ZNF385B: variants seen among roughly 807,000 people sequenced by gnomAD.
ZNF385B encodes the protein zinc finger protein 533.
ZNF385B carries 23 observed loss-of-function variants against 39.2 expected under a neutral mutation model. The ratio of observed to expected loss-of-function variants is 0.59; its 90% confidence interval spans 0.42 to 0.83. The LOEUF (loss-of-function observed/expected upper bound fraction) is 0.83. ZNF385B is among the 40% of genes least tolerant of loss of function. The pLI is 0.00. For synonymous variants in ZNF385B, 205 were observed against 222.6 expected (o/e 0.92, Z 0.70); for missense variants, 552 against 598.9 (o/e 0.92, Z 0.82).
chr2:179,631,692 A>G (rs6739057), intron 3 of ZNF385B, among the ~76,000 whole-genome samples: 97,487 of 151,892 alleles, frequency 0.64, 31,396 homozygotes, highest in Admixed American at 0.72. Flanking sequence ...AAAAGTAAAT[A>G]GGCTAAATGC....
At chr2:179,858,265 G>A (rs934442137) in intron 1 of ZNF385B, among the ~76,000 whole-genome samples, 2 of 152,174 alleles carry the variant, frequency 1.3e-5, no homozygotes, top group African/African-American at 4.8e-5. Context: ...CAGTGACTAG[G>A]AGAAATATTA....
intron 3 of ZNF385B, among the ~76,000 whole-genome samples, chr2:179,729,998 G>A (rs1029161607): frequency 3.3e-5 from 5 of 152,306 alleles, no homozygotes; most frequent in African/African-American, 7.2e-5. Flanking sequence ...CCAGTCTCAA[G>A]TGTGTCTTTA....
In ZNF385B at chr2:179,695,488, A is replaced by G. The variant is rs556166591; in HGVS notation, c.298+74015T>C. On this transcript the variant is annotated intron_variant, in intron 3 of 9. Transcript: ENST00000410066. The stretch of plus-strand genomic sequence containing the variant: ...TATATAAAGGTATTATATATTTATT[A>G]TAACTCAAGAATAAAAAAACCAAAA... Among the ~76,000 whole-genome samples the G allele has an allele frequency of 7.9e-5, 12 of 152,240 alleles. No individual in the cohort carries two copies. In the South Asian group the frequency reaches 1.7e-3, roughly 21 times the overall value.
intron 3 of ZNF385B, among the ~76,000 whole-genome samples, chr2:179,578,618 G>A (rs1248187861): frequency 6.6e-6 from 1 of 152,030 alleles, no homozygotes; most frequent in Non-Finnish European, 1.5e-5. Context: ...CAAGTCATTT[G>A]CATTATTAAT....
At position 179,555,447 on chromosome 2, in the gene ZNF385B, T is replaced by G. The variant is rs144784584; in HGVS notation, c.299-10478A>C. 1.0e-4 allele frequency among the ~76,000 whole-genome samples: 15 copies of G among 149,498 alleles called. 2 individuals are homozygous for G. The highest frequency in any genetic ancestry group is 3.0e-4 in the African/African-American group (12 of 39,722). ...CACATGTATGCTATATTTGTGTACA[T>G]TCATTCAACTGCACACTTATGTGCA... On this transcript the variant is annotated intron_variant, in intron 3 of 9. Coordinates refer to ENST00000410066, the MANE Select transcript of ZNF385B (RefSeq NM_152520.6).
At chr2:179,631,608 A>G (rs1691223876) in intron 3 of ZNF385B, among the ~76,000 whole-genome samples, 1 of 152,228 alleles carries the variant, frequency 6.6e-6, no homozygotes, top group Non-Finnish European at 1.5e-5. Flanking sequence ...AAGAAACTGC[A>G]TCAACTAAGG....
chr2:179,638,233 A>G (rs1039257245), intron 3 of ZNF385B, among the ~76,000 whole-genome samples: 8 of 152,220 alleles, frequency 5.3e-5, no homozygotes, highest in African/African-American at 1.9e-4. Context: ...TCACAACAAA[A>G]TCAAATGAAA....
intron 1 of ZNF385B, among the ~76,000 whole-genome samples, chr2:179,852,701 C>A (rs1186336749): frequency 6.6e-6 from 1 of 152,146 alleles, no homozygotes; most frequent in East Asian, 1.9e-4. Flanking sequence ...TTTCTCAGAG[C>A]AACTTAAGGT....
chr2:179,845,071 A>C (rs1330413007), intron 1 of ZNF385B, among the ~76,000 whole-genome samples: 1 of 152,202 alleles, frequency 6.6e-6, no homozygotes, highest in Non-Finnish European at 1.5e-5. Context: ...CTCCAATACA[A>C]TTGATTATCT....
At chr2:179,523,507 GA>G (rs1394370052) in intron 4 of ZNF385B, among the ~76,000 whole-genome samples, 2 of 151,934 alleles carry the variant, frequency 1.3e-5, no homozygotes, top group African/African-American at 4.8e-5. Context: ...CTAAAGGTAG[GA>G]TGAATCTAAG....
chr2:179,829,662 C>T (rs1025982817), intron 1 of ZNF385B, among the ~76,000 whole-genome samples: 10 of 152,052 alleles, frequency 6.6e-5, no homozygotes, highest in East Asian at 1.9e-4. Flanking sequence ...TACAGGCGCC[C>T]GCCACCATGC....
intron 4 of ZNF385B, among the ~76,000 whole-genome samples, chr2:179,531,677 T>TAG: frequency 6.6e-6 from 1 of 152,082 alleles, no homozygotes; most frequent in South Asian, 2.1e-4. Flanking sequence ...AAATATCCTT[T>TAG]TTAACTGGGT....
intron 3 of ZNF385B, among the ~76,000 whole-genome samples, chr2:179,634,993 A>AAAAAT (rs1166340577): frequency 7.1e-6 from 1 of 140,412 alleles, no homozygotes; most frequent in African/African-American, 2.7e-5. Flanking sequence ...AAAAAAAAAA[A>AAAAAT]TAGCCAGGCG....
At chr2:179,594,724 T>A (rs1384217403) in intron 3 of ZNF385B, among the ~76,000 whole-genome samples, 1 of 151,914 alleles carries the variant, frequency 6.6e-6, no homozygotes, top group Non-Finnish European at 1.5e-5. Flanking sequence ...TAAGTAGGAC[T>A]CTCCTCTCAG....
At chr2:179,712,835 G>A (rs1700087921) in intron 3 of ZNF385B, among the ~76,000 whole-genome samples, 1 of 152,102 alleles carries the variant, frequency 6.6e-6, no homozygotes, top group Admixed American at 6.5e-5. Flanking sequence ...AACTTATAAT[G>A]GTTTGGCTTA....
intron 6 of ZNF385B, among the ~76,000 whole-genome samples, chr2:179,454,994 G>A (rs2050524763): frequency 6.6e-6 from 1 of 152,178 alleles, no homozygotes; most frequent in African/African-American, 2.4e-5. Flanking sequence ...AAAGTCTACA[G>A]TAATATCCTA....
At chr2:179,463,924 T>A (rs973791213) in intron 6 of ZNF385B, among the ~76,000 whole-genome samples, 7 of 152,128 alleles carry the variant, frequency 4.6e-5, no homozygotes, top group Admixed American at 2.6e-4. Flanking sequence ...TGAGGAATTG[T>A]CACACTGTCT....
At chr2:179,514,058 T>G (rs1019160881) in intron 5 of ZNF385B, 1 of 152,212 alleles carries the variant, frequency 6.6e-6, no homozygotes, top group African/African-American at 2.4e-5. Context: ...TTTATAAACT[T>G]AGTGGCTTAA....
At chr2:179,735,102 G>C (rs181248520) in intron 3 of ZNF385B, among the ~76,000 whole-genome samples, 10 of 152,134 alleles carry the variant, frequency 6.6e-5, no homozygotes, top group South Asian at 6.2e-4. Flanking sequence ...GCAACCTACA[G>C]AATGGGAGAA....
Sources: gnomAD v4.1 joint callset for allele counts (sites outside exome capture counted in the v4.1 genomes callset) on GRCh38, gnomAD v4.1.1 for gene constraint, MANE v1.5 for transcripts, NCBI Gene and HGNC (gene_info 2026-07-23, HGNC 2026-07-21) for gene names.